Variants in ATP9B observed in about 807,000 individuals in gnomAD.
The protein encoded by ATP9B is ATPase phospholipid transporting 9B, also known as probable phospholipid-transporting ATPase IIB.
ATP9B carries 110 observed loss-of-function variants against 146.1 expected under a neutral mutation model. The ratio of observed to expected loss-of-function variants is 0.75; its 90% confidence interval spans 0.65 to 0.88. The LOEUF (loss-of-function observed/expected upper bound fraction) is 0.88, where lower values mean the gene tolerates loss of function less well. Ranked by LOEUF, ATP9B falls within the 40% of genes least tolerant of loss-of-function variation. The probability of loss-of-function intolerance (pLI) is 0.00; values close to 1 mark genes in which losing one functional copy is unlikely to be tolerated. For missense variants in ATP9B, 1,499 were observed against 1,496.4 expected (o/e 1.00, Z -0.03); for synonymous variants, 604 against 569.7 (o/e 1.06, Z -0.86).
At chr18:79,114,116 A>T (rs539743424) in intron 4 of ATP9B, among the ~76,000 whole-genome samples, 1 of 152,242 alleles carries the variant, frequency 6.6e-6, no homozygotes, top group South Asian at 2.1e-4. Context: ...GATTACAGGC[A>T]CACCTGGCTA....
At chr18:79,115,217 T>C (rs1308015742) in intron 4 of ATP9B, 8 of 137,812 alleles carry the variant, frequency 5.8e-5, no homozygotes, top group East Asian at 4.2e-4. Context: ...TTACAAGGGA[T>C]GTGAAGGACC....
At chr18:79,228,338 C>G (rs1297772363) in intron 11 of ATP9B, among the ~76,000 whole-genome samples, 1 of 152,186 alleles carries the variant, frequency 6.6e-6, no homozygotes, top group Non-Finnish European at 1.5e-5. Context: ...AATACAGGGG[C>G]TGACACAACA....
At chr18:79,233,967 C>T (rs2095815705) in intron 11 of ATP9B, among the ~76,000 whole-genome samples, 2 of 152,198 alleles carry the variant, frequency 1.3e-5, no homozygotes, top group South Asian at 4.1e-4. Context: ...AGGTCTTCAT[C>T]CTCATCGTCT....
chr18:79,172,822 A>G (rs1600155518), intron 7 of ATP9B, among the ~76,000 whole-genome samples: 1 of 152,250 alleles, frequency 6.6e-6, no homozygotes, highest in Non-Finnish European at 1.5e-5. Context: ...GGTTTTTGTT[A>G]TAAATAAAAC....
At chr18:79,123,354 A>G (rs1218541266) in intron 4 of ATP9B, among the ~76,000 whole-genome samples, 1 of 152,210 alleles carries the variant, frequency 6.6e-6, no homozygotes, top group Non-Finnish European at 1.5e-5. Context: ...AGCTTAAAGC[A>G]TGAAATTACA....
At chr18:79,282,647 A>G (rs1161301772) in intron 13 of ATP9B, among the ~76,000 whole-genome samples, 1 of 152,246 alleles carries the variant, frequency 6.6e-6, no homozygotes, top group East Asian at 1.9e-4. Flanking sequence ...TCACTTTTCT[A>G]TGAACTGGGA....
intron 15 of ATP9B, among the ~76,000 whole-genome samples, chr18:79,320,033 G>T (rs1285817469): frequency 6.6e-6 from 1 of 152,220 alleles, no homozygotes; most frequent in Admixed American, 6.5e-5. Context: ...GGCTGTCCAG[G>T]CCCTGGAGAG....
In ATP9B at chr18:79,216,833, T is replaced by G. The variant is rs1269526704; in HGVS notation, c.1107+2795T>G. Among the ~76,000 whole-genome samples the G allele has an allele frequency of 1.2e-4, 19 of 152,370 alleles. No individual in the cohort carries two copies. The East Asian group carries it at 3.7e-3, about 29-fold the overall frequency. ...TTACAGAATTGGATTTACTTCTTGC[T>G]GCTTACCATGTTAGCTTTTCAACCT... On this transcript the variant is annotated intron_variant, in intron 11 of 29. Coordinates refer to ENST00000426216, the MANE Select transcript of ATP9B (RefSeq NM_198531.5).
chr18:79,106,393 T>TA (rs567345347), intron 2 of ATP9B, among the ~76,000 whole-genome samples: 64 of 152,314 alleles, frequency 4.2e-4, no homozygotes, highest in African/African-American at 1.2e-3. Flanking sequence ...GGCTTAAACA[T>TA]ACTGTTTTCG....
chr18:79,315,534 G>T (rs762894475), intron 15 of ATP9B, among the ~76,000 whole-genome samples: 14 of 152,186 alleles, frequency 9.2e-5, no homozygotes, highest in Non-Finnish European at 1.9e-4. Context: ...TGTACAAAGT[G>T]CATGGTAAGA....
chr18:79,154,431 T>C, intron 6 of ATP9B, 73 bp from the exon 7 acceptor site: 1 of 1,061,128 alleles, frequency 9.4e-7, no homozygotes, highest in Admixed American at 2.8e-5. Context: ...TAGGTATTTC[T>C]TATTTGGAAT....
At chr18:79,181,149 A>G (rs754889118) in intron 8 of ATP9B, among the ~76,000 whole-genome samples, 7 of 151,962 alleles carry the variant, frequency 4.6e-5, no homozygotes, top group Admixed American at 1.3e-4. Flanking sequence ...TGAAGTTTTC[A>G]TTTATCTTTG....
At chr18:79,350,227 G>A (rs1256770959) in intron 25 of ATP9B, among the ~76,000 whole-genome samples, 1 of 152,216 alleles carries the variant, frequency 6.6e-6, no homozygotes, top group Non-Finnish European at 1.5e-5. Flanking sequence ...AGCCTGTCCT[G>A]TGGTCTTAAA....
chr18:79,314,961 G>C, intron 15 of ATP9B, among the ~76,000 whole-genome samples: 1 of 152,300 alleles, frequency 6.6e-6, no homozygotes, highest in Non-Finnish European at 1.5e-5. Context: ...GAAGACCGCC[G>C]GCTTCTTTTG....
chr18:79,296,947 A>C (rs1425605602), intron 13 of ATP9B, among the ~76,000 whole-genome samples: 6 of 140,284 alleles, frequency 4.3e-5, no homozygotes, highest in South Asian at 2.4e-4. Flanking sequence ...AGAGAGGAGA[A>C]AGAGAGATGA....
intron 13 of ATP9B, among the ~76,000 whole-genome samples, chr18:79,300,255 G>C (rs2096581703): frequency 6.6e-6 from 1 of 152,150 alleles, no homozygotes; most frequent in Non-Finnish European, 1.5e-5. Flanking sequence ...AGTGAGGAAA[G>C]GTTGGTGGTG....
chr18:79,322,433 C>T (rs1052237962), intron 15 of ATP9B, among the ~76,000 whole-genome samples: 3 of 152,200 alleles, frequency 2.0e-5, no homozygotes, highest in Admixed American at 6.5e-5. Context: ...TTCTCCTGGC[C>T]GCACCCTCGG....
intron 11 of ATP9B, among the ~76,000 whole-genome samples, chr18:79,238,073 A>T (rs2062182): frequency 0.76 from 114,754 of 151,906 alleles, 43,559 homozygotes; most frequent in Admixed American, 0.78. Context: ...TAAAAAAAAA[A>T]TTTTGGTGAT....
At chr18:79,148,345 T>A (rs191351301) in intron 6 of ATP9B, among the ~76,000 whole-genome samples, 185 of 152,102 alleles carry the variant, frequency 1.2e-3, no homozygotes, top group African/African-American at 4.0e-3. Flanking sequence ...AAAAGTACAA[T>A]AAAAGAAAAC....
Sources: allele counts gnomAD v4.1 joint callset (sites outside exome capture counted in the v4.1 genomes callset), GRCh38; gene constraint gnomAD v4.1.1; transcripts MANE v1.5; gene names NCBI Gene and HGNC (gene_info 2026-07-23, HGNC 2026-07-21).